The following SDK1 variants were observed in gnomAD, a reference collection of about 807,000 sequenced individuals.
SDK1 encodes protein sidekick-1.
Under a neutral mutation model 245.5 loss-of-function variants are expected in SDK1, and 157 were observed. The observed-to-expected ratio is 0.64, with a 90% CI of 0.56 to 0.73. The LOEUF is 0.73. Ranked by LOEUF, SDK1 falls within the 30% of genes least tolerant of loss-of-function variation. The pLI is 0.00. For missense variants in SDK1, 3,583 were observed against 3,002.3 expected, an observed-to-expected ratio of 1.19 and a Z score of -4.52; for synonymous variants, 1,647 against 1,278.5, an observed-to-expected ratio of 1.29 and a Z score of -6.15.
At chr7:3,384,572 CTT>C (rs1230524893) in intron 1 of SDK1, among the ~76,000 whole-genome samples, 1 of 147,814 alleles carries the variant, frequency 6.8e-6, no homozygotes, top group East Asian at 2.0e-4. Flanking sequence ...CATTTCCACT[CTT>C]GTTTTACATC....
At chr7:3,672,782 T>TATATATATAC (rs1783754038) in intron 4 of SDK1, among the ~76,000 whole-genome samples, 1 of 103,596 alleles carries the variant, frequency 9.7e-6, no homozygotes, top group Non-Finnish European at 2.0e-5. Context: ...TATATATATA[T>TATATATATAC]ATATATATAT....
intron 40 of SDK1, among the ~76,000 whole-genome samples, chr7:4,230,152 T>TGGAAGGAA (rs1301923385): frequency 1.1e-5 from 1 of 87,034 alleles, no homozygotes; most frequent in Admixed American, 1.8e-4. Flanking sequence ...GATAGATGAA[T>TGGAAGGAA]GGAAGGAAGG....
chr7:3,535,875 G>A (rs926417090), intron 1 of SDK1, among the ~76,000 whole-genome samples: 3 of 151,644 alleles, frequency 2.0e-5, no homozygotes, highest in African/African-American at 7.3e-5. Flanking sequence ...CATTATCCAG[G>A]CACTATATCA....
intron 13 of SDK1, among the ~76,000 whole-genome samples, chr7:3,975,432 G>A (rs761445703): frequency 1.3e-5 from 2 of 152,118 alleles, no homozygotes; most frequent in Admixed American, 6.6e-5. Context: ...ACTGGACCCT[G>A]CCCCCTTTGA....
chr7:3,420,377 C>G (rs961662865), intron 1 of SDK1, among the ~76,000 whole-genome samples: 5 of 152,186 alleles, frequency 3.3e-5, no homozygotes, highest in Non-Finnish European at 7.3e-5. Context: ...GTTTCAACAA[C>G]TTTCTGTTCT....
At position 3,956,328 on chromosome 7, in the gene SDK1, G is replaced by C. The variant is rs185762236; in HGVS notation, c.1151-2603G>C. 1.5e-3 allele frequency among the ~76,000 whole-genome samples: 225 copies of C among 152,316 alleles called. 1 individual carries two copies. Among genetic ancestry groups the C allele is most frequent in the African/African-American group, 5.3e-3 (220 of 41,576 alleles). ...GTCCATAGGCTTGGCATTTCCTCCG[G>C]TTCTTTGCCTTAGAGCAGACTGTGT... On this transcript the variant is annotated intron_variant, in intron 7 of 44. Transcript: ENST00000404826.
At chr7:3,855,469 T>G (rs1562492965) in intron 5 of SDK1, among the ~76,000 whole-genome samples, 1 of 152,070 alleles carries the variant, frequency 6.6e-6, no homozygotes, top group Non-Finnish European at 1.5e-5. Flanking sequence ...CAATAAAAAT[T>G]AAACAGGCTG....
chr7:3,571,855 A>G (rs899288951), intron 1 of SDK1, among the ~76,000 whole-genome samples: 1 of 152,050 alleles, frequency 6.6e-6, no homozygotes, highest in Non-Finnish European at 1.5e-5. Flanking sequence ...TAAATCTGCT[A>G]TCTGTATTTT....
intron 5 of SDK1, among the ~76,000 whole-genome samples, chr7:3,889,142 GA>G (rs1264184157): frequency 1.3e-5 from 2 of 152,218 alleles, no homozygotes; most frequent in African/African-American, 4.8e-5. Flanking sequence ...AATTGAGACT[GA>G]AAGTGATATC....
chr7:3,531,302 C>T (rs139117691), intron 1 of SDK1, among the ~76,000 whole-genome samples: 1 of 152,052 alleles, frequency 6.6e-6, no homozygotes, highest in African/African-American at 2.4e-5. Flanking sequence ...CCTTTATTTA[C>T]CCTTGGTTTT....
chr7:3,849,587 C>G (rs1474697015), intron 5 of SDK1, among the ~76,000 whole-genome samples: 1 of 152,076 alleles, frequency 6.6e-6, no homozygotes, highest in African/African-American at 2.4e-5. Flanking sequence ...AAGGAAATAC[C>G]ATGAATTTGG....
chr7:3,675,575 GT>G (rs1298087609), intron 4 of SDK1, among the ~76,000 whole-genome samples: 13 of 150,644 alleles, frequency 8.6e-5, no homozygotes, highest in African/African-American at 3.2e-4. Flanking sequence ...TTGTTTGTTT[GT>G]TTGTTTGTTT....
chr7:3,992,660 G>T (rs1784430192), intron 14 of SDK1, among the ~76,000 whole-genome samples: 2 of 152,186 alleles, frequency 1.3e-5, no homozygotes, highest in Non-Finnish European at 2.9e-5. Flanking sequence ...AGATTATTAT[G>T]ATCCTGTGGA....
chr7:3,504,775 A>G (rs976016418), intron 1 of SDK1, among the ~76,000 whole-genome samples: 16 of 139,244 alleles, frequency 1.1e-4, no homozygotes, highest in African/African-American at 4.7e-4. Flanking sequence ...CACAAACAAC[A>G]GAAGGAAAAA....
chr7:3,747,747 A>G (rs76782969), intron 4 of SDK1, among the ~76,000 whole-genome samples: 1,982 of 151,886 alleles, frequency 0.013, 38 homozygotes, highest in African/African-American at 0.046. Flanking sequence ...TGAAGAGTTG[A>G]TGAATGTTGA....
At chr7:3,445,934 G>A (rs544991961) in intron 1 of SDK1, among the ~76,000 whole-genome samples, 6 of 150,870 alleles carry the variant, frequency 4.0e-5, no homozygotes, top group South Asian at 2.1e-4. Context: ...CTTGAGGGTC[G>A]GTCTACTGGA....
intron 1 of SDK1, among the ~76,000 whole-genome samples, chr7:3,492,712 T>A (rs1781901176): frequency 2.6e-5 from 4 of 152,126 alleles, no homozygotes; most frequent in South Asian, 2.1e-4. Flanking sequence ...TTACATAACA[T>A]CCCTGACAAC....
At chr7:3,343,937 T>C (rs370862784) in intron 1 of SDK1, among the ~76,000 whole-genome samples, 5 of 151,650 alleles carry the variant, frequency 3.3e-5, no homozygotes, top group African/African-American at 9.7e-5. Flanking sequence ...TACGGACATA[T>C]TATTGATAAA....
chr7:3,851,568 G>C (rs371490432), intron 5 of SDK1, among the ~76,000 whole-genome samples: 1 of 151,030 alleles, frequency 6.6e-6, no homozygotes, highest in African/African-American at 2.5e-5. Flanking sequence ...GTAATATCTT[G>C]GATGAAAAAG....
Sources: allele counts gnomAD v4.1 joint callset (sites outside exome capture counted in the v4.1 genomes callset), GRCh38; gene constraint gnomAD v4.1.1; transcripts MANE v1.5; gene names NCBI Gene and HGNC (gene_info 2026-07-23, HGNC 2026-07-21).